Variants in WNK1 observed in about 807,000 individuals in gnomAD.
WNK1 encodes the protein WNK lysine deficient protein kinase 1, also known as serine/threonine-protein kinase WNK1.
WNK1 carries 38 observed loss-of-function variants against 222.8 expected under a neutral mutation model. That is an observed-to-expected ratio of 0.17 (90% CI 0.13 to 0.22). The LOEUF is 0.22. Ranked by LOEUF, WNK1 falls within the 10% of genes least tolerant of loss-of-function variation. The pLI is 1.00. For missense variants in WNK1, 2,348 were observed against 2,918.4 expected, an observed-to-expected ratio of 0.80 and a Z score of 4.50; for synonymous variants, 1,090 against 1,092.9, an observed-to-expected ratio of 1.00 and a Z score of 0.05.
chr12:813,521 G>A, intron 1 of WNK1, 121 bp from the exon 2 acceptor site: 1 of 1,004,252 alleles, frequency 1.0e-6, no homozygotes, highest in African/African-American at 1.6e-5. Flanking sequence ...TATAACTTCA[G>A]CATTTGCATT....
rs777975128 is a variant in WNK1 at position 890,455 on chromosome 12, T to G, written c.5451T>G (p.Pro1817=). ...EMITVTSAVG[P]VSMAAPTAIT... is the part of the protein sequence containing the mutation. ...GTCTGTCTGTGTGTGTTTTACAGCCTGTGTCCATGGCGGCTCCAACAGCAA... is the reference window on the plus strand; with the variant it reads ...GTCTGTCTGTGTGTGTTTTACAGCCGGTGTCCATGGCGGCTCCAACAGCAA... Residue 1817 remains proline, a splice_region_variant and synonymous_variant, in exon 22 of 28, where the codon CCT becomes CCG. Coordinates refer to ENST00000315939, the MANE Select transcript of WNK1 (RefSeq NM_018979.4). 2 of 1,614,142 alleles carry G rather than the reference T, an allele frequency of 1.2e-6. No individual in the cohort carries two copies. Among genetic ancestry groups the G allele is most frequent in the Non-Finnish European group, 1.7e-6 (2 of 1,180,004 alleles).
chr12:891,944 A>G (rs1682213269), intron 22 of WNK1, among the ~76,000 whole-genome samples: 1 of 151,868 alleles, frequency 6.6e-6, no homozygotes, highest in Admixed American at 6.6e-5. Context: ...AAAATCATGC[A>G]TGAACAAAAA....
In WNK1 at chr12:885,338, A is replaced by G. The variant is rs746802809; in HGVS notation, c.4534A>G (p.Ser1512Gly). ...ACAGCTGTGCATTCAGCTTAGCAGCAGTACTTCTACTCCTACTTTAGCTGA... is the reference window on the plus strand; with the variant it reads ...ACAGCTGTGCATTCAGCTTAGCAGCGGTACTTCTACTCCTACTTTAGCTGA... The part of the protein sequence containing the change: ...ASQLCIQLSS[S>G]TSTPTLAETV... The change falls in exon 19 of 28, where the codon AGT becomes GGT. Residue 1512 changes from serine to glycine, a missense_variant. Coordinates refer to ENST00000315939, the MANE Select transcript of WNK1 (RefSeq NM_018979.4). The G allele has an allele frequency of 3.7e-6, 6 of 1,614,036 alleles. No individual in the cohort carries two copies. Among genetic ancestry groups the G allele is most frequent in the Non-Finnish European group, 4.2e-6 (5 of 1,180,024 alleles).
chr12:823,900 CTTTTTTT>C (rs10543848), intron 2 of WNK1, among the ~76,000 whole-genome samples: 1 of 101,436 alleles, frequency 9.9e-6, no homozygotes, highest in African/African-American at 3.8e-5. Context: ...TCAGAGACAT[CTTTTTTT>C]TTTTTTTTTT....
At chr12:875,278 C>A (rs1952504519) in intron 9 of WNK1, among the ~76,000 whole-genome samples, 1 of 152,138 alleles carries the variant, frequency 6.6e-6, no homozygotes, top group Admixed American at 6.5e-5. Context: ...TCAAATTTAT[C>A]CGTTAGAAAA....
intron 1 of WNK1, among the ~76,000 whole-genome samples, chr12:756,508 CT>C (rs1341684917): frequency 6.6e-6 from 1 of 152,178 alleles, no homozygotes; most frequent in African/African-American, 2.4e-5. Flanking sequence ...CAGGATTTGG[CT>C]GCAGAACTAG....
intron 4 of WNK1, among the ~76,000 whole-genome samples, chr12:839,267 T>C (rs1005775105): frequency 1.3e-5 from 2 of 152,186 alleles, no homozygotes; most frequent in African/African-American, 4.8e-5. Context: ...AAGGAAAGCT[T>C]AGACTTTAAT....
intron 26 of WNK1, 191 bp downstream of exon 26, chr12:900,861 G>C: frequency 1.4e-6 from 1 of 714,654 alleles, no homozygotes; most frequent in Non-Finnish European, 2.4e-6. Context: ...CTCCCATTAG[G>C]TGAAATTACT....
chr12:888,228 A>G (rs1344199545), intron 20 of WNK1, among the ~76,000 whole-genome samples: 5 of 152,212 alleles, frequency 3.3e-5, no homozygotes, highest in East Asian at 1.9e-4. Flanking sequence ...TTTGGTCCCA[A>G]TGTACAGGGG....
intron 1 of WNK1, among the ~76,000 whole-genome samples, chr12:772,279 C>T (rs1942601283): frequency 1.3e-5 from 2 of 152,074 alleles, no homozygotes; most frequent in Non-Finnish European, 1.5e-5. Flanking sequence ...TTATAGTTAT[C>T]GTTATATTGT....
chr12:898,332 A>C (rs1479512135), intron 25 of WNK1, among the ~76,000 whole-genome samples: 1 of 152,000 alleles, frequency 6.6e-6, no homozygotes, highest in Non-Finnish European at 1.5e-5. Context: ...AAAATAAAAA[A>C]ATTAGGTGGG....
chr12:881,770 T>G lies in WNK1; in HGVS notation c.3190T>G (p.Leu1064Val). 2 of 1,614,230 alleles carry G rather than the reference T, an allele frequency of 1.2e-6. No individual in the cohort carries two copies. Among genetic ancestry groups the G allele is most frequent in the Non-Finnish European group, 1.7e-6 (2 of 1,180,036 alleles). Residue 1064 changes from leucine to valine, a missense_variant, in exon 13 of 28, where the codon TTG becomes GTG. By Grantham distance (32) the Leu-to-Val change is conservative. This residue lies in a region of WNK1 where 547 missense variants were observed against 558.3 expected (regional missense o/e 0.98). Transcript: ENST00000315939. ...GACCCAAGCTACCCAGCCGACCACT[T>G]TGGCTTCCTCTGTAGACAGGTACGT... is the stretch of plus-strand genomic sequence containing the variant. ...AQTQATQPTT[L>V]ASSVDSAHSD...
Position 753,382 on chromosome 12 carries a change from A to T in WNK1, c.-184A>T. On this transcript the variant is annotated 5_prime_UTR_variant, in exon 1 of 28. Transcript: ENST00000315939. The surrounding 1 kb of genome is among the most constrained non-coding windows in gnomAD (Gnocchi z 5.2). Reference sequence around the variant, plus strand: ...CAGCCTCGGTGCCAGCCCCCGCCGCAGCTGGGCCCAGCGGTCCGCCTGTCC... The same window carrying T: ...CAGCCTCGGTGCCAGCCCCCGCCGCTGCTGGGCCCAGCGGTCCGCCTGTCC... 1 of 744,050 alleles carries T rather than the reference A, an allele frequency of 1.3e-6. No individual in the cohort carries two copies. Among genetic ancestry groups the T allele is most frequent in the Non-Finnish European group, 2.1e-6 (1 of 469,148 alleles). 46.1% of individuals were successfully genotyped at this position (744,050 alleles called of 1,614,324 possible).
At chr12:838,015 A>G (rs1293007742) in intron 4 of WNK1, among the ~76,000 whole-genome samples, 1 of 151,570 alleles carries the variant, frequency 6.6e-6, no homozygotes, top group African/African-American at 2.4e-5. Flanking sequence ...AGTGTTCTCA[A>G]GGTTCGTCCA....
At chr12:820,137 G>A (rs909261844) in intron 2 of WNK1, among the ~76,000 whole-genome samples, 1 of 152,190 alleles carries the variant, frequency 6.6e-6, no homozygotes, top group Non-Finnish European at 1.5e-5. Flanking sequence ...TGTTGAATCT[G>A]TAGATCATTT....
chr12:786,358 A>G (rs564638280), intron 1 of WNK1, among the ~76,000 whole-genome samples: 1 of 152,128 alleles, frequency 6.6e-6, no homozygotes, highest in East Asian at 1.9e-4. Flanking sequence ...TGTACTTTTT[A>G]TCAATATAAA....
intron 5 of WNK1, among the ~76,000 whole-genome samples, chr12:858,753 T>A (rs1950974242): frequency 1.3e-5 from 2 of 152,152 alleles, no homozygotes; most frequent in African/African-American, 4.8e-5. Flanking sequence ...TGGGCCTCCA[T>A]TTCCTAATAA....
intron 1 of WNK1, among the ~76,000 whole-genome samples, chr12:764,336 G>C (rs1465105012): frequency 2.0e-5 from 3 of 147,084 alleles, no homozygotes; most frequent in Non-Finnish European, 4.6e-5. Context: ...TGTTGCACTT[G>C]GCTATTAACA....
chr12:807,867 G>A (rs749650181), intron 1 of WNK1, among the ~76,000 whole-genome samples: 9 of 151,628 alleles, frequency 5.9e-5, no homozygotes, highest in Non-Finnish European at 1.0e-4. Flanking sequence ...CTACAGGCGC[G>A]CGCCACTACG....
Sources: gnomAD v4.1 joint callset for allele counts (sites outside exome capture counted in the v4.1 genomes callset) on GRCh38, gnomAD v4.1.1 for gene constraint, gnomAD v4.1.1 regional missense constraint, Gnocchi (gnomAD v3.1) non-coding constraint, MANE v1.5 for transcripts, NCBI Gene and HGNC (gene_info 2026-07-23, HGNC 2026-07-21) for gene names.